Variants in JAM3 observed in about 807,000 individuals in gnomAD.
JAM3 encodes junctional adhesion molecule 3, also known as junctional adhesion molecule C.
In JAM3, 31 loss-of-function variants were observed where a neutral mutation model predicts 39.4. The ratio of observed to expected loss-of-function variants is 0.79; its 90% confidence interval spans 0.59 to 1.06. The LOEUF (loss-of-function observed/expected upper bound fraction) is 1.06. JAM3 is among the 50% of genes least tolerant of loss of function. The pLI is 0.00. For missense variants in JAM3, 455 were observed against 391.4 expected, an observed-to-expected ratio of 1.16 and a Z score of -1.37; for synonymous variants, 182 against 148.7, an observed-to-expected ratio of 1.22 and a Z score of -1.63.
intron 1 of JAM3, among the ~76,000 whole-genome samples, chr11:134,104,921 A>G (rs1942153413): frequency 1.3e-5 from 2 of 152,222 alleles, no homozygotes; most frequent in Non-Finnish European, 2.9e-5. Context: ...GAATTCTACC[A>G]GAGGTACAAG....
chr11:134,100,980 C>T (rs1017224999), intron 1 of JAM3, among the ~76,000 whole-genome samples: 1 of 152,078 alleles, frequency 6.6e-6, no homozygotes, highest in Non-Finnish European at 1.5e-5. Context: ...ATGTTTATGT[C>T]TTCTTTCAAT....
intron 1 of JAM3, chr11:134,070,182 A>G (rs868349406): frequency 6.6e-6 from 3 of 456,138 alleles, no homozygotes; most frequent in South Asian, 4.6e-5. Flanking sequence ...AGTCAAGTCT[A>G]GTCTGCTTTC....
At chr11:134,132,127 C>A (rs1420042586) in intron 1 of JAM3, among the ~76,000 whole-genome samples, 1 of 152,162 alleles carries the variant, frequency 6.6e-6, no homozygotes. Flanking sequence ...AAGAGACTCA[C>A]ACTGAGACAC....
chr11:134,123,426 A>G (rs114993478), intron 1 of JAM3, among the ~76,000 whole-genome samples: 3,001 of 152,182 alleles, frequency 0.02, 101 homozygotes, highest in African/African-American at 0.069. Context: ...AGGGAGATCT[A>G]TGTGCCAAGC....
chr11:134,134,591 T>TCC (rs1491390792), intron 1 of JAM3, among the ~76,000 whole-genome samples: 6 of 152,146 alleles, frequency 3.9e-5, no homozygotes, highest in Admixed American at 6.5e-5. Context: ...ACTGCCAAGC[T>TCC]TTTCATGGTG....
chr11:134,105,470 C>G (rs1287613189), intron 1 of JAM3, among the ~76,000 whole-genome samples: 1 of 152,154 alleles, frequency 6.6e-6, no homozygotes, highest in African/African-American at 2.4e-5. Context: ...CTCACCACTC[C>G]TATTCAACAT....
intron 1 of JAM3, among the ~76,000 whole-genome samples, chr11:134,104,989 C>T (rs1316366068): frequency 6.6e-6 from 1 of 152,164 alleles, no homozygotes; most frequent in Non-Finnish European, 1.5e-5. Flanking sequence ...AGAGGGAATC[C>T]TCCCTAACTC....
At chr11:134,140,600 C>A in intron 2 of JAM3, 57 bp from the exon 3 acceptor site, 1 of 1,405,122 alleles carries the variant, frequency 7.1e-7, no homozygotes, top group Non-Finnish European at 1.0e-6. Context: ...CTGGGTGCAG[C>A]TGAACGTAGA....
At chr11:134,095,738 T>C (rs760134428) in intron 1 of JAM3, among the ~76,000 whole-genome samples, 7 of 152,212 alleles carry the variant, frequency 4.6e-5, no homozygotes, top group Non-Finnish European at 8.8e-5. Context: ...ACGAGTGTGC[T>C]GTTAACTTGC....
At chr11:134,105,045 C>T (rs1591784678) in intron 1 of JAM3, among the ~76,000 whole-genome samples, 1 of 151,580 alleles carries the variant, frequency 6.6e-6, no homozygotes, top group East Asian at 1.9e-4. Context: ...CTGGCAGAGA[C>T]ACAAAAAAAG....
At position 134,150,039 on chromosome 11, in the gene JAM3, C is replaced by G. The variant is rs1943167829; in HGVS notation, c.*858C>G. The G allele has an allele frequency of 6.5e-6, 1 of 153,774 alleles. No homozygotes were observed. Among genetic ancestry groups the G allele is most frequent in the Non-Finnish European group, 1.4e-5 (1 of 69,244 alleles). 9.5% of individuals were successfully genotyped at this position (153,774 alleles called of 1,614,324 possible). A position where few individuals can be genotyped will look rare whatever the true frequency, so the allele number is the denominator to read the frequency against. ...AACCTATTTTTTTAAAAAAGTTCAA[C>G]TTAAGGTAGAAGTTCCAAGCTACTA... On this transcript the variant is annotated 3_prime_UTR_variant, in exon 9 of 9. Coordinates refer to ENST00000299106, the MANE Select transcript of JAM3 (RefSeq NM_032801.5).
intron 1 of JAM3, among the ~76,000 whole-genome samples, chr11:134,127,584 C>A (rs1380684350): frequency 3.3e-5 from 5 of 152,150 alleles, no homozygotes; most frequent in Admixed American, 3.3e-4. Flanking sequence ...TCTGTAGTCC[C>A]AGCTACTCTG....
At chr11:134,096,370 G>C (rs1436021616) in intron 1 of JAM3, among the ~76,000 whole-genome samples, 1 of 152,214 alleles carries the variant, frequency 6.6e-6, no homozygotes, top group African/African-American at 2.4e-5. Context: ...TTCTTGGTCT[G>C]TTCACTTCCA....
At position 134,149,268 on chromosome 11, in the gene JAM3, C is replaced by G. The variant is rs1359457611; in HGVS notation, c.*87C>G. ...TGTCAAGGCAGCGAGAGCTGATGCACTCGGACAGAGCTAGACACTCATTCA... is the reference window on the plus strand; with the variant it reads ...TGTCAAGGCAGCGAGAGCTGATGCAGTCGGACAGAGCTAGACACTCATTCA... On this transcript the variant is annotated 3_prime_UTR_variant, in exon 9 of 9. Coordinates refer to ENST00000299106, the MANE Select transcript of JAM3 (RefSeq NM_032801.5). 2.0e-6 allele frequency: 3 copies of G among 1,507,104 alleles called. No homozygotes were observed. Among genetic ancestry groups the G allele is most frequent in the African/African-American group, 1.4e-5 (1 of 72,898 alleles). 93.4% of individuals were successfully genotyped at this position (1,507,104 alleles called of 1,614,324 possible).
In JAM3 at chr11:134,149,128, T is replaced by A. The variant is rs771546092; in HGVS notation, c.898-18T>A. ...CACCAGGCCCCTTGATGGCTCTAAC[T>A]GTGTGTTGGCTTTGCAGGGCGACTT... On this transcript the variant is annotated intron_variant, in intron 8 of 8. Transcript: ENST00000299106. 3 of 1,613,890 alleles carry A rather than the reference T, an allele frequency of 1.9e-6. No homozygotes were observed. Among genetic ancestry groups the A allele is most frequent in the African/African-American group, 2.7e-5 (2 of 74,936 alleles).
chr11:134,148,284 G>A (rs1013470424), intron 6 of JAM3: 17 of 517,324 alleles, frequency 3.3e-5, no homozygotes, highest in African/African-American at 3.1e-4. Flanking sequence ...ACAGTGCCAA[G>A]CCCACTTTAA....
At chr11:134,147,632 A>T (rs562997096) in intron 6 of JAM3, among the ~76,000 whole-genome samples, 1 of 151,548 alleles carries the variant, frequency 6.6e-6, no homozygotes, top group Non-Finnish European at 1.5e-5. Context: ...GACTACAGGC[A>T]CCTGCCAACA....
chr11:134,144,090 G>T, intron 3 of JAM3, 151 bp from the exon 4 acceptor site: 1 of 731,918 alleles, frequency 1.4e-6, no homozygotes, highest in Non-Finnish European at 2.3e-6. Context: ...CTGTCCTCAA[G>T]AGAGTTCACT....
chr11:134,140,955 A>AT (rs1470952116), intron 3 of JAM3, among the ~76,000 whole-genome samples, 185 bp downstream of exon 3: 1 of 151,832 alleles, frequency 6.6e-6, no homozygotes, highest in Non-Finnish European at 1.5e-5. Context: ...CAAATGGTAT[A>AT]TCAAGCCTCC....
Sources: allele counts gnomAD v4.1 joint callset (sites outside exome capture counted in the v4.1 genomes callset), GRCh38; gene constraint gnomAD v4.1.1; transcripts MANE v1.5; gene names NCBI Gene and HGNC (gene_info 2026-07-23, HGNC 2026-07-21).